Variants in VPS13C observed in about 807,000 individuals in gnomAD.
VPS13C encodes intermembrane lipid transfer protein VPS13C.
In VPS13C, 358 loss-of-function variants were observed where a neutral mutation model predicts 456.8. The observed-to-expected ratio is 0.78, with a 90% CI of 0.72 to 0.86. VPS13C has a LOEUF of 0.86. Among genes scored for constraint, VPS13C ranks in the 40% least tolerant of loss-of-function variants. The probability of loss-of-function intolerance (pLI) is 0.00; values close to 1 mark genes in which losing one functional copy is unlikely to be tolerated. For synonymous variants in VPS13C, 1,578 were observed against 1,486.7 expected, an observed-to-expected ratio of 1.06 and a Z score of -1.41; for missense variants, 4,818 against 4,385.4, an observed-to-expected ratio of 1.10 and a Z score of -2.79.
At position 62,017,553 on chromosome 15, in the gene VPS13C, C is replaced by T. The variant is rs1483490886; in HGVS notation, c.684+2926G>A. Among the ~76,000 whole-genome samples the T allele has an allele frequency of 5.9e-5, 9 of 152,250 alleles. No homozygotes were observed. The South Asian group carries it at 6.2e-4, about 11-fold the overall frequency. On this transcript the variant is annotated intron_variant, in intron 9 of 84. Transcript: ENST00000644861. ...TTTGTTAAATAGGGAATCCTTTCCC[C>T]ATTGCTTGTTTTCGTCAGGTTTGTC...
chr15:61,945,409 A>G (rs935917274), intron 45 of VPS13C, among the ~76,000 whole-genome samples: 2 of 152,200 alleles, frequency 1.3e-5, no homozygotes, highest in African/African-American at 2.4e-5. Flanking sequence ...TTAACTAAAT[A>G]CTCTTAAATA....
chr15:61,968,834 T>C (rs2045460637), intron 28 of VPS13C, among the ~76,000 whole-genome samples: 1 of 152,142 alleles, frequency 6.6e-6, no homozygotes, highest in African/African-American at 2.4e-5. Flanking sequence ...TAACATATGA[T>C]CAGAGATAAA....
chr15:61,900,352 A>G (rs1044745325), intron 66 of VPS13C, among the ~76,000 whole-genome samples: 9 of 152,358 alleles, frequency 5.9e-5, no homozygotes, highest in Non-Finnish European at 1.2e-4. Flanking sequence ...ATGATTGTAT[A>G]TTTAGAAAAC....
chr15:61,949,503 C>T lies in VPS13C; in HGVS notation c.4699G>A (p.Glu1567Lys). Residue 1567 changes from glutamate (E) to lysine (K), a missense_variant, in exon 42 of 85, where the codon GAG becomes AAG. This residue lies in a region of VPS13C where 4,552 missense variants were observed against 4,130.6 expected (regional missense o/e 1.10). Coordinates refer to ENST00000644861, the MANE Select transcript of VPS13C (RefSeq NM_020821.3). The part of the protein sequence containing the change: ...AAPFSEPSSS[E>K]KESELKPLVG... ...AGTGGTTTCAGCTCGGATTCCTTCT[C>T]AGAAGAGGAAGGCTCAGAGAATGGA... 12 of 1,613,536 alleles carry T rather than the reference C, an allele frequency of 7.4e-6. No homozygotes were observed. Among genetic ancestry groups the T allele is most frequent in the Non-Finnish European group, 9.3e-6 (11 of 1,179,880 alleles).
At chr15:61,894,733 T>C (rs964829497) in intron 66 of VPS13C, among the ~76,000 whole-genome samples, 3 of 151,922 alleles carry the variant, frequency 2.0e-5, no homozygotes, top group African/African-American at 7.3e-5. Context: ...GCCAAATATA[T>C]AAAGAAAATA....
chr15:61,882,854 GATCT>G (rs1895972808), intron 68 of VPS13C, 118 bp from the exon 69 acceptor site: 5 of 1,111,488 alleles, frequency 4.5e-6, no homozygotes, highest in East Asian at 2.8e-5. Flanking sequence ...CTCACCAACA[GATCT>G]ATCTTAAGGT....
chr15:62,048,530 T>G (rs1185896588), intron 1 of VPS13C, among the ~76,000 whole-genome samples: 1 of 152,160 alleles, frequency 6.6e-6, no homozygotes, highest in East Asian at 1.9e-4. Context: ...TGGTTCCAAG[T>G]CTTTGCTATT....
At position 61,974,290 on chromosome 15, in the gene VPS13C, G is replaced by A. The variant is rs768438296; in HGVS notation, c.2536C>T (p.Gln846Ter). The A allele has an allele frequency of 3.1e-6, 5 of 1,610,274 alleles. No homozygotes were observed. The highest frequency in any genetic ancestry group is 4.2e-6 in the Non-Finnish European group (5 of 1,177,894). Reference protein sequence around the residue: ...QKSSAQSPERQVSSIPIISGG... With the variant: ...QKSSAQSPER ...TACATTTTATTGTATCTATTTACCT[G>A]TCTCTCTGGAGACTGGGCTGATGAT... is the stretch of plus-strand genomic sequence containing the variant. Residue 846 changes from glutamine to a stop codon, truncating the protein, a stop_gained and splice_region_variant, in exon 25 of 85, where the codon CAG (glutamine) becomes TAG (stop). Coordinates refer to ENST00000644861, the MANE Select transcript of VPS13C (RefSeq NM_020821.3). LOFTEE classifies it high-confidence loss of function.
chr15:62,037,241 TATATA>T (rs1357745925), intron 3 of VPS13C, among the ~76,000 whole-genome samples: 21 of 27,944 alleles, frequency 7.5e-4, no homozygotes, highest in African/African-American at 1.4e-3. Context: ...TATATAAATA[TATATA>T]ATATATTTAT....
chr15:61,962,469 C>T lies in VPS13C; in HGVS notation c.3505G>A (p.Asp1169Asn), dbSNP rs2045240421. 1 of 1,611,960 alleles carries T rather than the reference C, an allele frequency of 6.2e-7. No individual in the cohort carries two copies. The highest frequency in any genetic ancestry group is 8.5e-7 in the Non-Finnish European group (1 of 1,178,750). ...LDLYPDATEG[D>N]LYTDMSKVDG... ...ACTTTGGACATGTCAGTATACAAAT[C>T]CCCCTCAGTAGCATCTGGATACAAA... The change falls in exon 34 of 85, where the codon GAT becomes AAT. Residue 1169 changes from aspartate (D) to asparagine (N), a missense_variant. Asp to Asn is a conservative substitution (Grantham distance 23). This residue lies in a region of VPS13C where 4,552 missense variants were observed against 4,130.6 expected (regional missense o/e 1.10). Transcript: ENST00000644861.
intron 67 of VPS13C, among the ~76,000 whole-genome samples, chr15:61,888,871 G>T (rs917851079): frequency 5.9e-5 from 9 of 152,104 alleles, no homozygotes; most frequent in Admixed American, 1.3e-4. Context: ...TAATAATGGA[G>T]TTAGACAATA....
At chr15:61,935,909 C>CTA (rs1018740878) in intron 48 of VPS13C, among the ~76,000 whole-genome samples, 7 of 152,108 alleles carry the variant, frequency 4.6e-5, no homozygotes, top group African/African-American at 1.7e-4. Flanking sequence ...GGACCATTTA[C>CTA]TATATGGGCA....
In VPS13C at chr15:62,044,199, A is replaced by T. The variant is rs768131949; in HGVS notation, c.144+13T>A. 5 of 1,464,784 alleles carry T rather than the reference A, an allele frequency of 3.4e-6. No homozygotes were observed. The highest frequency in any genetic ancestry group is 1.2e-5 in the South Asian group (1 of 83,152). 90.7% of individuals were successfully genotyped at this position (1,464,784 alleles called of 1,614,324 possible). A position where few individuals can be genotyped will look rare whatever the true frequency, so the allele number is the denominator to read the frequency against. On this transcript the variant is annotated intron_variant, in intron 2 of 84. Transcript: ENST00000644861. ...ATTAAGTGAGTTATTAGCATAGTTT[A>T]AAAAAAACTTACCAGGGCATTTTCT...
chr15:61,931,410 T>C (rs2044051573), intron 49 of VPS13C, 151 bp from the exon 50 acceptor site: 1 of 732,862 alleles, frequency 1.4e-6, no homozygotes, highest in Admixed American at 3.0e-5. Context: ...GAACAGAGAA[T>C]AATATGCATG....
At chr15:61,871,237 A>G (rs1406802300) in intron 79 of VPS13C, among the ~76,000 whole-genome samples, 4 of 152,150 alleles carry the variant, frequency 2.6e-5, no homozygotes, top group Admixed American at 2.6e-4. Flanking sequence ...TTGCTCTTAC[A>G]TTTAGGTATT....
At position 62,007,026 on chromosome 15, in the gene VPS13C, G is replaced by A. The variant is rs74898331; in HGVS notation, c.1290+282C>T. On this transcript the variant is annotated intron_variant, in intron 15 of 84. Transcript: ENST00000644861. ...TATCTAATAAACACATATTTAAACA[G>A]CTCTGATACTGACTTCCTAAACATT... 3.3e-3 allele frequency among the ~76,000 whole-genome samples: 498 copies of A among 152,128 alleles called. 3 individuals are homozygous for A. Among genetic ancestry groups the A allele is most frequent in the East Asian group, 0.012 (64 of 5,186 alleles).
At position 61,867,850 on chromosome 15, in the gene VPS13C, T is replaced by G. The variant is rs1894699255; in HGVS notation, c.10863+809A>C. On this transcript the variant is annotated intron_variant, in intron 81 of 84. Transcript: ENST00000644861. This position sits in a 1 kb window ranked among gnomAD's most constrained non-coding sequence, Gnocchi z 5.0. Reference sequence around the variant, plus strand: ...ATTTCATTAAAATTGACAATGGAATTCACACACAGTCAATTAACACCACAG... The same window carrying G: ...ATTTCATTAAAATTGACAATGGAATGCACACACAGTCAATTAACACCACAG... 6.4e-7 allele frequency: 1 copy of G among 1,568,174 alleles called. No homozygotes were observed. The highest frequency in any genetic ancestry group is 1.2e-5 in the South Asian group (1 of 83,100).
Position 61,853,409 on chromosome 15 carries a change from T to C in VPS13C, c.*1048A>G, listed in dbSNP as rs1893746223. 6.6e-6 allele frequency: 1 copy of C among 152,168 alleles called. No individual in the cohort carries two copies. Among genetic ancestry groups the C allele is most frequent in the South Asian group, 2.1e-4 (1 of 4,830 alleles). 9.4% of individuals were successfully genotyped at this position (152,168 alleles called of 1,614,324 possible). On this transcript the variant is annotated 3_prime_UTR_variant, in exon 85 of 85. Transcript: ENST00000644861. ...TTTTCATGTATCAGCAAATAATAAT[T>C]GTGTCATATAAGCTCATCTTGAAAG... is the stretch of plus-strand genomic sequence containing the variant.
intron 2 of VPS13C, among the ~76,000 whole-genome samples, chr15:62,042,863 T>G (rs1474884986): frequency 1.3e-5 from 2 of 151,680 alleles, no homozygotes; most frequent in Admixed American, 1.3e-4. Flanking sequence ...CATGTATACA[T>G]AGGTAACAAA....
Sources: allele counts gnomAD v4.1 joint callset (sites outside exome capture counted in the v4.1 genomes callset), GRCh38; gene constraint gnomAD v4.1.1; regional missense constraint gnomAD v4.1.1; non-coding constraint Gnocchi (gnomAD v3.1); transcripts MANE v1.5; gene names NCBI Gene and HGNC (gene_info 2026-07-23, HGNC 2026-07-21).